Variants in SEMA3D observed in about 807,000 individuals in gnomAD.
SEMA3D encodes semaphorin-3D.
Under a neutral mutation model 100.1 loss-of-function variants are expected in SEMA3D, and 84 were observed. The observed-to-expected ratio is 0.84, with a 90% CI of 0.70 to 1.01. SEMA3D has a LOEUF of 1.01. Ranked by LOEUF, SEMA3D falls within the 50% of genes least tolerant of loss-of-function variation. SEMA3D has a pLI of 0.00. For synonymous variants in SEMA3D, 312 were observed against 320.7 expected (o/e 0.97, Z 0.29); for missense variants, 875 against 934.1 (o/e 0.94, Z 0.82).
chr7:85,033,849 T>TCA (rs1472555074), intron 12 of SEMA3D, among the ~76,000 whole-genome samples: 14 of 86,452 alleles, frequency 1.6e-4, no homozygotes, highest in East Asian at 1.6e-3. Flanking sequence ...CCAATTTTAA[T>TCA]CACACACATA....
rs139515586 is a variant in SEMA3D, at chr7:85,036,546, G to A, written c.1191+343C>T. Among the ~76,000 whole-genome samples the A allele has an allele frequency of 3.3e-5, 5 of 152,254 alleles. No homozygotes were observed. In the East Asian group the frequency reaches 9.7e-4, roughly 29 times the overall value. On this transcript the variant is annotated intron_variant, in intron 12 of 18. Coordinates refer to ENST00000284136, the MANE Select transcript of SEMA3D (RefSeq NM_001384900.1). The stretch of plus-strand genomic sequence containing the variant: ...ACTCGAGCTATCTGCAGAGCTGTAT[G>A]TGAGAAATAATACTTCTTTGACATT...
intron 3 of SEMA3D, among the ~76,000 whole-genome samples, chr7:85,099,152 G>A (rs1788667077): frequency 6.6e-6 from 1 of 151,954 alleles, no homozygotes; most frequent in Non-Finnish European, 1.5e-5. Flanking sequence ...AGGTTTTTGT[G>A]TGGACATAGT....
At chr7:85,002,891 A>G (rs1562778413) in intron 18 of SEMA3D, among the ~76,000 whole-genome samples, 1 of 152,164 alleles carries the variant, frequency 6.6e-6, no homozygotes, top group Non-Finnish European at 1.5e-5. Flanking sequence ...TTTATCTCTT[A>G]TAATAGCAGC....
chr7:85,172,015 CACAT>C (rs1791097884), intron 1 of SEMA3D, among the ~76,000 whole-genome samples: 1 of 151,418 alleles, frequency 6.6e-6, no homozygotes, highest in African/African-American at 2.4e-5. Context: ...GAGAGAGACA[CACAT>C]ACATATATAG....
chr7:85,123,540 T>G (rs1789487301), intron 2 of SEMA3D, among the ~76,000 whole-genome samples: 1 of 152,108 alleles, frequency 6.6e-6, no homozygotes, highest in South Asian at 2.1e-4. Context: ...TCAGTTACCT[T>G]AAATCTCAGT....
chr7:85,051,285 A>T (rs749644031), intron 9 of SEMA3D, among the ~76,000 whole-genome samples: 35 of 151,940 alleles, frequency 2.3e-4, no homozygotes, highest in Admixed American at 5.3e-4. Context: ...CATTCACATC[A>T]TCCAGGCAAA....
chr7:85,248,839 G>A, the SEMA3D span, among the ~76,000 whole-genome samples: 1 of 152,110 alleles, frequency 6.6e-6, no homozygotes, highest in African/African-American at 2.4e-5. Context: ...GGTTATAGAT[G>A]AATAGGCAGG....
At chr7:85,155,287 A>G (rs1438513292) in intron 1 of SEMA3D, among the ~76,000 whole-genome samples, 5 of 152,158 alleles carry the variant, frequency 3.3e-5, no homozygotes, top group South Asian at 2.1e-4. Flanking sequence ...TTTCTCTTGT[A>G]AGTTAAATAT....
chr7:85,044,512 A>T (rs1311623266), intron 9 of SEMA3D, among the ~76,000 whole-genome samples: 1 of 152,142 alleles, frequency 6.6e-6, no homozygotes, highest in Non-Finnish European at 1.5e-5. Flanking sequence ...TCTAAAAGCA[A>T]CAACATTCAA....
At chr7:85,234,174 C>T in the SEMA3D span, among the ~76,000 whole-genome samples, 1 of 152,070 alleles carries the variant, frequency 6.6e-6, no homozygotes, top group Non-Finnish European at 1.5e-5. Context: ...GTTTTGGAAG[C>T]AGAGTGGGTG....
chr7:85,025,018 T>TACTTTACTC, intron 12 of SEMA3D, among the ~76,000 whole-genome samples: 1 of 151,500 alleles, frequency 6.6e-6, no homozygotes, highest in Non-Finnish European at 1.5e-5. Flanking sequence ...GTTATTTTCC[T>TACTTTACTC]TTAACAAATT....
chr7:85,015,727 T>G (rs1379287622), intron 15 of SEMA3D, among the ~76,000 whole-genome samples: 1 of 151,836 alleles, frequency 6.6e-6, no homozygotes, highest in African/African-American at 2.4e-5. Flanking sequence ...AAAGTATTTG[T>G]TATCACTCTG....
intron 1 of SEMA3D, among the ~76,000 whole-genome samples, chr7:85,177,494 A>C (rs1164382758): frequency 6.6e-6 from 1 of 152,178 alleles, no homozygotes; most frequent in Non-Finnish European, 1.5e-5. Flanking sequence ...TGGAAGCATA[A>C]TCATCATCTG....
intron 1 of SEMA3D, among the ~76,000 whole-genome samples, chr7:85,184,495 T>C (rs539044997): frequency 6.6e-6 from 1 of 152,270 alleles, no homozygotes; most frequent in African/African-American, 2.4e-5. Flanking sequence ...GTCTTTGTTT[T>C]TTTTTTCTTT....
intron 18 of SEMA3D, among the ~76,000 whole-genome samples, chr7:85,003,204 T>G (rs557404515): frequency 2.0e-5 from 3 of 152,186 alleles, no homozygotes; most frequent in African/African-American, 7.2e-5. Flanking sequence ...GTTTTTAAAT[T>G]TATCAGAGTT....
the SEMA3D span, among the ~76,000 whole-genome samples, chr7:85,231,162 G>A: frequency 3.3e-5 from 5 of 152,084 alleles, no homozygotes; most frequent in African/African-American, 1.2e-4. Context: ...AAAGTAGACA[G>A]TGCCAGGATT....
intron 2 of SEMA3D, among the ~76,000 whole-genome samples, chr7:85,136,171 T>C (rs1224698277): frequency 6.6e-6 from 1 of 152,134 alleles, no homozygotes; most frequent in Non-Finnish European, 1.5e-5. Flanking sequence ...GTGTGTCCTT[T>C]GGAATGCCAA....
chr7:85,035,865 A>G (rs1239494886), intron 12 of SEMA3D, among the ~76,000 whole-genome samples: 1 of 152,224 alleles, frequency 6.6e-6, no homozygotes, highest in East Asian at 1.9e-4. Context: ...CCATCCTTGA[A>G]ACAAATTTAT....
At chr7:85,197,881 A>G in the SEMA3D span, among the ~76,000 whole-genome samples, 2 of 152,228 alleles carry the variant, frequency 1.3e-5, no homozygotes. Context: ...TCTCAACAGT[A>G]GAATGGATGA....
Sources: allele counts gnomAD v4.1 joint callset (sites outside exome capture counted in the v4.1 genomes callset), GRCh38; gene constraint gnomAD v4.1.1; transcripts MANE v1.5; gene names NCBI Gene and HGNC (gene_info 2026-07-23, HGNC 2026-07-21).